SASH1: variants seen among roughly 807,000 people sequenced by gnomAD.
SASH1 encodes SAM and SH3 domain containing 1, also known as SAM and SH3 domain-containing protein 1.
Under a neutral mutation model 125.2 loss-of-function variants are expected in SASH1, and 44 were observed. The ratio of observed to expected loss-of-function variants is 0.35; its 90% CI spans 0.28 to 0.45. SASH1 has a LOEUF of 0.45. Ranked by LOEUF, SASH1 falls within the 20% of genes least tolerant of loss-of-function variation. SASH1 has a pLI of 1.00. For synonymous variants in SASH1, 639 were observed against 649.1 expected (o/e 0.98, Z 0.24); for missense variants, 1,426 against 1,614.5 (o/e 0.88, Z 2.00).
At chr6:148,484,605 T>G (rs1778764030) in intron 7 of SASH1, among the ~76,000 whole-genome samples, 1 of 151,750 alleles carries the variant, frequency 6.6e-6, no homozygotes, top group Admixed American at 6.6e-5. Context: ...AGAGCTTGTT[T>G]TGTAACTTTA....
upstream of SASH1, among the ~76,000 whole-genome samples, chr6:148,268,596 C>T (rs1408923352): frequency 6.6e-6 from 1 of 152,222 alleles, no homozygotes; most frequent in African/African-American, 2.4e-5. Flanking sequence ...TGAACATTCT[C>T]ATGTTGTCAT....
intron 1 of SASH1, among the ~76,000 whole-genome samples, chr6:148,301,712 G>A (rs1779949803): frequency 2.0e-5 from 3 of 150,984 alleles, no homozygotes; most frequent in Admixed American, 1.3e-4. Context: ...CCAAGTAGCT[G>A]GGACTACAGA....
chr6:148,326,375 C>CTTTTCTTTTCT (rs1562326335), intron 1 of SASH1, among the ~76,000 whole-genome samples: 3 of 12,380 alleles, frequency 2.4e-4, no homozygotes, highest in East Asian at 5.9e-3. Flanking sequence ...TATATATATA[C>CTTTTCTTTTCT]ATTCTTTTCT....
chr6:148,337,390 A>AT (rs746574022), intron 1 of SASH1, among the ~76,000 whole-genome samples: 13 of 151,696 alleles, frequency 8.6e-5, no homozygotes, highest in Admixed American at 5.9e-4. Context: ...CGCCTGGCAA[A>AT]TTTTTTTGTA....
rs186078486 is a variant in SASH1, at chr6:148,367,032, C to T, written c.157-23102C>T. Among the ~76,000 whole-genome samples, 806 of 132,552 alleles carry T rather than the reference C, an allele frequency of 6.1e-3. 4 individuals carry two copies. The highest frequency in any genetic ancestry group is 0.022 in the African/African-American group (772 of 34,618). The allele number at this position is 132,552 out of a possible 152,430, so 87.0% of individuals were successfully genotyped here. ...TGTTGCCCAGGCTGGAGTGCAATGG[C>T]GTGATCTCTGCTCACTGCAACCTCT... On this transcript the variant is annotated intron_variant, in intron 1 of 19. Coordinates refer to ENST00000367467, the MANE Select transcript of SASH1 (RefSeq NM_015278.5).
chr6:148,316,425 G>A (rs1004994438), intron 1 of SASH1, among the ~76,000 whole-genome samples: 6 of 152,190 alleles, frequency 3.9e-5, no homozygotes, highest in African/African-American at 1.4e-4. Flanking sequence ...ACAAATAAAA[G>A]TTCATGTATT....
intron 4 of SASH1, among the ~76,000 whole-genome samples, chr6:148,466,171 G>A (rs1376912140): frequency 2.0e-5 from 3 of 152,192 alleles, no homozygotes; most frequent in Non-Finnish European, 4.4e-5. Context: ...TTCCTTACAT[G>A]TTCTGTATTC....
At chr6:148,268,942 A>G (rs1778999260), upstream of SASH1, among the ~76,000 whole-genome samples, 1 of 152,190 alleles carries the variant, frequency 6.6e-6, no homozygotes, top group African/African-American at 2.4e-5. Flanking sequence ...ATCCAGTTTG[A>G]ATTATGTCTT....
chr6:148,452,788 G>A (rs1390142307), intron 4 of SASH1, among the ~76,000 whole-genome samples: 1 of 152,166 alleles, frequency 6.6e-6, no homozygotes, highest in Non-Finnish European at 1.5e-5. Flanking sequence ...ATTAGACGGT[G>A]CCATACACAC....
chr6:148,260,238 C>T, the SASH1 span, among the ~76,000 whole-genome samples: 18 of 152,210 alleles, frequency 1.2e-4, no homozygotes, highest in Admixed American at 1.2e-3. Flanking sequence ...GTTTTTCTCA[C>T]TTTTCATGAA....
intron 1 of SASH1, among the ~76,000 whole-genome samples, chr6:148,371,908 G>T (rs1782719966): frequency 6.6e-6 from 1 of 152,096 alleles, no homozygotes; most frequent in African/African-American, 2.4e-5. Context: ...ATTCTGGGAT[G>T]TTTACTATCA....
chr6:148,407,895 A>G (rs1344225174), intron 2 of SASH1, among the ~76,000 whole-genome samples: 3 of 152,102 alleles, frequency 2.0e-5, no homozygotes, highest in Non-Finnish European at 4.4e-5. Context: ...GGCCTCCCAA[A>G]GTGCTGGGAT....
intron 2 of SASH1, among the ~76,000 whole-genome samples, chr6:148,421,215 A>AAGAAAGAAAGAAAGAAAGAG (rs1554255027): frequency 1.6e-5 from 2 of 125,520 alleles, no homozygotes; most frequent in Non-Finnish European, 3.7e-5. Context: ...GAAAGAAAGA[A>AAGAAAGAAAGAAAGAAAGAG]AAAGAAAGAA....
chr6:148,501,284 T>C (rs2115268569), intron 8 of SASH1, among the ~76,000 whole-genome samples: 1 of 152,308 alleles, frequency 6.6e-6, no homozygotes, highest in South Asian at 2.1e-4. Flanking sequence ...CAGCCTAAGA[T>C]GCCATAAAAG....
chr6:148,490,599 G>GT (rs1158305859), intron 8 of SASH1, among the ~76,000 whole-genome samples: 1 of 152,130 alleles, frequency 6.6e-6, no homozygotes, highest in Non-Finnish European at 1.5e-5. Flanking sequence ...GTTGTGTTTT[G>GT]TTTTTTAGGT....
rs188613173 is a variant in SASH1 at position 148,490,802 on chromosome 6, A to G, written c.729+3087A>G. Among the ~76,000 whole-genome samples, 61 of 152,260 alleles carry G rather than the reference A, an allele frequency of 4.0e-4. 1 individual carries two copies. The East Asian group carries it at 0.01, about 26-fold the overall frequency. Reference sequence around the variant, plus strand: ...CCCTTCTTGGCACACTTAAAATTCTATGTGATCTGGCTTTAATCAATTTCT... The same window carrying G: ...CCCTTCTTGGCACACTTAAAATTCTGTGTGATCTGGCTTTAATCAATTTCT... On this transcript the variant is annotated intron_variant, in intron 8 of 19. Transcript: ENST00000367467.
At chr6:148,513,341 A>C in intron 8 of SASH1, 1 of 985,474 alleles carries the variant, frequency 1.0e-6, no homozygotes, top group South Asian at 4.7e-5. Flanking sequence ...CCCACTGCAC[A>C]GGGTGTGCCG....
chr6:148,254,085 T>C, the SASH1 span, among the ~76,000 whole-genome samples: 114 of 152,014 alleles, frequency 7.5e-4, no homozygotes, highest in African/African-American at 2.7e-3. Context: ...CGTGCACCTG[T>C]AATCCCAGCT....
At chr6:148,412,575 A>G (rs1210846122) in intron 2 of SASH1, among the ~76,000 whole-genome samples, 3 of 152,230 alleles carry the variant, frequency 2.0e-5, no homozygotes, top group African/African-American at 7.2e-5. Flanking sequence ...GAGGCTGGAT[A>G]ATTTCTAAAG....
Sources: gnomAD v4.1 joint callset for allele counts (sites outside exome capture counted in the v4.1 genomes callset) on GRCh38, gnomAD v4.1.1 for gene constraint, MANE v1.5 for transcripts, NCBI Gene and HGNC (gene_info 2026-07-23, HGNC 2026-07-21) for gene names.